SLIT2: variants seen among roughly 807,000 people sequenced by gnomAD.
The protein encoded by SLIT2 is slit homolog 2 protein.
A neutral mutation model predicts 185.7 loss-of-function variants in SLIT2; 41 were observed. The observed-to-expected ratio is 0.22, with a 90% CI of 0.17 to 0.29. The LOEUF (loss-of-function observed/expected upper bound fraction) is 0.29, where lower values mean the gene tolerates loss of function less well. SLIT2 is among the 10% of genes least tolerant of loss of function. SLIT2 has a pLI of 1.00. For synonymous variants in SLIT2, 693 were observed against 680.2 expected (o/e 1.02, Z -0.29); for missense variants, 1,571 against 1,909.0 (o/e 0.82, Z 3.30).
At chr4:20,293,721 A>G (rs919089149) in intron 4 of SLIT2, among the ~76,000 whole-genome samples, 2 of 152,192 alleles carry the variant, frequency 1.3e-5, no homozygotes, top group African/African-American at 4.8e-5. Context: ...TAAGAAGGAT[A>G]ATACACCTCC....
At chr4:20,324,556 G>C (rs1719393730) in intron 4 of SLIT2, among the ~76,000 whole-genome samples, 1 of 152,122 alleles carries the variant, frequency 6.6e-6, no homozygotes, top group Admixed American at 6.5e-5. Flanking sequence ...ATGGGAAAGA[G>C]ATCTGTTGTA....
chr4:20,617,062 G>C lies in SLIT2; in HGVS notation c.4000G>C (p.Glu1334Gln). The C allele has an allele frequency of 1.9e-6, 3 of 1,614,172 alleles. No individual in the cohort carries two copies. The highest frequency in any genetic ancestry group is 1.1e-5 in the South Asian group (1 of 91,086). Residue 1334 changes from glutamate (E) to glutamine (Q), a missense_variant, in exon 35 of 37, where the codon GAG (glutamate) becomes CAG (glutamine). Around this residue, in one of 3 missense-constraint regions of SLIT2, gnomAD observed 146 missense variants for 247.4 expected, o/e 0.59. Coordinates refer to ENST00000504154, the MANE Select transcript of SLIT2 (RefSeq NM_004787.4). Reference protein sequence around the residue: ...PMQTGILPGCEPCHKKVCAHG... With the variant: ...PMQTGILPGCQPCHKKVCAHG... ...GCAAACAGGCATTTTGCCTGGCTGT[G>C]AGCCATGCCACAAGAAGGTGTGTGC...
At chr4:20,322,765 C>T (rs934524249) in intron 4 of SLIT2, among the ~76,000 whole-genome samples, 13 of 152,094 alleles carry the variant, frequency 8.5e-5, no homozygotes, top group African/African-American at 2.2e-4. Context: ...TTTAATTCCC[C>T]GCAGTGTCTA....
At chr4:20,407,579 A>G (rs1017920166) in intron 4 of SLIT2, among the ~76,000 whole-genome samples, 1 of 152,180 alleles carries the variant, frequency 6.6e-6, no homozygotes, top group Non-Finnish European at 1.5e-5. Flanking sequence ...TTGGAGTCTC[A>G]GTAGCTTAGT....
chr4:20,260,529 A>T lies in SLIT2; in HGVS notation c.323+2590A>T, dbSNP rs944723239. Among the ~76,000 whole-genome samples the T allele has an allele frequency of 4.6e-5, 7 of 151,850 alleles. No homozygotes were observed. In the East Asian group the frequency reaches 1.3e-3, roughly 29 times the overall value. ...TTTAAGTTATTTTCATTTTAAAATG[A>T]TAAAATAATTCTAAATTACATTTTG... On this transcript the variant is annotated intron_variant, in intron 3 of 36. Transcript: ENST00000504154.
chr4:20,561,746 A>G lies in SLIT2; in HGVS notation c.2726-5516A>G, dbSNP rs149105291. 8.7e-3 allele frequency among the ~76,000 whole-genome samples: 1,324 copies of G among 151,820 alleles called. 36 individuals are homozygous for G. The highest frequency in any genetic ancestry group is 0.03 in the African/African-American group (1,252 of 41,378). On this transcript the variant is annotated intron_variant, in intron 26 of 36. Coordinates refer to ENST00000504154, the MANE Select transcript of SLIT2 (RefSeq NM_004787.4). ...AGATTTTGGAGGTTTTGATTTGCTT[A>G]TTGGCTAAAGAGAACATTCAGGTTT...
chr4:20,449,611 G>A (rs535601989), intron 4 of SLIT2, among the ~76,000 whole-genome samples: 2 of 152,076 alleles, frequency 1.3e-5, no homozygotes, highest in African/African-American at 2.4e-5. Flanking sequence ...GTTTCACCAT[G>A]TTGGTCAGGC....
At chr4:20,457,311 G>A (rs1417762371) in intron 4 of SLIT2, among the ~76,000 whole-genome samples, 1 of 151,634 alleles carries the variant, frequency 6.6e-6, no homozygotes, top group East Asian at 1.9e-4. Flanking sequence ...ATTCTACCAG[G>A]GTGCAAGGAA....
chr4:20,518,557 G>GTGTGTGTGTATATATATATA (rs1271279922), intron 11 of SLIT2, among the ~76,000 whole-genome samples: 3 of 17,862 alleles, frequency 1.7e-4, no homozygotes, highest in African/African-American at 4.4e-4. Flanking sequence ...CAGCCTATAT[G>GTGTGTGTGTATATATATATA]TATATATATA....
chr4:20,512,152 GA>G (rs1719815136), intron 11 of SLIT2, among the ~76,000 whole-genome samples: 2 of 152,118 alleles, frequency 1.3e-5, no homozygotes, highest in Admixed American at 6.5e-5. Context: ...CCGAAACTCA[GA>G]GAAGGGTTCT....
intron 4 of SLIT2, among the ~76,000 whole-genome samples, chr4:20,358,936 C>T (rs754395307): frequency 2.9e-4 from 44 of 151,928 alleles, no homozygotes; most frequent in Admixed American, 1.2e-3. Context: ...CTGTAAAATT[C>T]GGACAATCAT....
chr4:20,567,820 A>G (rs553010180), intron 28 of SLIT2, among the ~76,000 whole-genome samples: 3 of 152,228 alleles, frequency 2.0e-5, no homozygotes, highest in Non-Finnish European at 2.9e-5. Flanking sequence ...GGATGCTACA[A>G]AACCAAAACT....
At chr4:20,379,937 A>G (rs781445971) in intron 4 of SLIT2, among the ~76,000 whole-genome samples, 9 of 152,104 alleles carry the variant, frequency 5.9e-5, no homozygotes, top group Non-Finnish European at 1.3e-4. Context: ...GAGGGGTAAA[A>G]TAGCATAGAG....
intron 16 of SLIT2, among the ~76,000 whole-genome samples, chr4:20,531,312 G>T (rs1225960279): frequency 6.6e-6 from 1 of 152,192 alleles, no homozygotes; most frequent in Non-Finnish European, 1.5e-5. Flanking sequence ...ATGAAGCACT[G>T]CCATATGCTA....
chr4:20,511,595 T>TA (rs1719744561), intron 11 of SLIT2, among the ~76,000 whole-genome samples: 2 of 137,830 alleles, frequency 1.5e-5, no homozygotes, highest in African/African-American at 5.4e-5. Flanking sequence ...TAATTTTTTT[T>TA]TTTTTTTTAT....
At chr4:20,561,668 A>C (rs1175763035) in intron 26 of SLIT2, among the ~76,000 whole-genome samples, 1 of 151,672 alleles carries the variant, frequency 6.6e-6, no homozygotes, top group African/African-American at 2.4e-5. Flanking sequence ...AATCTTTTTT[A>C]CATTTTCAGA....
intron 4 of SLIT2, among the ~76,000 whole-genome samples, chr4:20,291,496 T>A (rs1345822149): frequency 3.5e-3 from 75 of 21,568 alleles, no homozygotes; most frequent in African/African-American, 7.0e-3. Flanking sequence ...ATATATATTT[T>A]TTTTTTTTTT....
chr4:20,596,883 T>TA (rs11318081), intron 32 of SLIT2, among the ~76,000 whole-genome samples: 40 of 150,296 alleles, frequency 2.7e-4, no homozygotes, highest in South Asian at 2.1e-3. Context: ...AAGCAGACAG[T>TA]AAAAAAAAAA....
intron 11 of SLIT2, among the ~76,000 whole-genome samples, chr4:20,515,227 G>T (rs1407576182): frequency 6.6e-6 from 1 of 152,150 alleles, no homozygotes; most frequent in African/African-American, 2.4e-5. Context: ...TTACTTCCCT[G>T]CTGGCTTTGT....
Sources: allele counts gnomAD v4.1 joint callset (sites outside exome capture counted in the v4.1 genomes callset), GRCh38; gene constraint gnomAD v4.1.1; regional missense constraint gnomAD v4.1.1; transcripts MANE v1.5; gene names NCBI Gene and HGNC (gene_info 2026-07-23, HGNC 2026-07-21).